CDH8: variants seen among roughly 807,000 people sequenced by gnomAD.
CDH8 encodes the protein cadherin 8.
CDH8 carries 17 observed loss-of-function variants against 68.1 expected under a neutral mutation model. The observed-to-expected ratio is 0.25, with a 90% confidence interval of 0.17 to 0.37. The LOEUF (loss-of-function observed/expected upper bound fraction) is 0.37. Among genes scored for constraint, CDH8 ranks in the 10% least tolerant of loss-of-function variants. The pLI, the probability that CDH8 is intolerant of heterozygous loss-of-function variation, is 1.00. For missense variants in CDH8, 763 were observed against 999.3 expected, an observed-to-expected ratio of 0.76 and a Z score of 3.19; for synonymous variants, 372 against 365.1, an observed-to-expected ratio of 1.02 and a Z score of -0.21.
At chr16:61,694,906 C>T (rs558773204) in intron 10 of CDH8, among the ~76,000 whole-genome samples, 2 of 151,874 alleles carry the variant, frequency 1.3e-5, no homozygotes, top group East Asian at 2.0e-4. Flanking sequence ...CTCAGCCTCC[C>T]GAGTAGCTGG....
intron 10 of CDH8, among the ~76,000 whole-genome samples, chr16:61,682,766 C>T (rs1186072746): frequency 6.6e-6 from 1 of 151,928 alleles, no homozygotes; most frequent in Non-Finnish European, 1.5e-5. Flanking sequence ...GCTTGATTTA[C>T]AGAATAGCAA....
chr16:61,850,150 C>T (rs1477671896), intron 4 of CDH8, among the ~76,000 whole-genome samples: 1 of 151,998 alleles, frequency 6.6e-6, no homozygotes, highest in African/African-American at 2.4e-5. Flanking sequence ...AAGCATGACA[C>T]CAGCATCTGC....
At chr16:61,945,533 C>G (rs1222197863) in intron 2 of CDH8, among the ~76,000 whole-genome samples, 3 of 151,388 alleles carry the variant, frequency 2.0e-5, no homozygotes, top group Admixed American at 2.0e-4. Context: ...CAATGTGGAT[C>G]TCTGGGAGCA....
At chr16:61,776,468 G>T (rs567517791) in intron 8 of CDH8, among the ~76,000 whole-genome samples, 30 of 152,202 alleles carry the variant, frequency 2.0e-4, no homozygotes, top group African/African-American at 7.2e-4. Flanking sequence ...GGATGAAGAA[G>T]GAGCTTTTAA....
intron 10 of CDH8, among the ~76,000 whole-genome samples, chr16:61,679,500 C>T (rs1270863994): frequency 1.3e-5 from 2 of 151,988 alleles, no homozygotes; most frequent in Non-Finnish European, 2.9e-5. Flanking sequence ...AAAAAGCAAT[C>T]TTTTCATGCC....
intron 10 of CDH8, among the ~76,000 whole-genome samples, chr16:61,696,405 CAAT>C (rs2142841031): frequency 1.3e-5 from 2 of 152,252 alleles, no homozygotes; most frequent in South Asian, 4.1e-4. Flanking sequence ...ATCAAAACCA[CAAT>C]GAGACACCAT....
chr16:61,909,394 C>G (rs577705126), intron 2 of CDH8, among the ~76,000 whole-genome samples: 2 of 152,190 alleles, frequency 1.3e-5, no homozygotes, highest in Non-Finnish European at 2.9e-5. Context: ...TTATTCATCA[C>G]TATACCAAAC....
chr16:62,018,947 G>C (rs972807733), intron 2 of CDH8, among the ~76,000 whole-genome samples: 1 of 152,092 alleles, frequency 6.6e-6, no homozygotes, highest in Non-Finnish European at 1.5e-5. Flanking sequence ...ATCAGTTATC[G>C]GATTCTGAGT....
At chr16:62,005,920 G>T (rs1023070743) in intron 2 of CDH8, among the ~76,000 whole-genome samples, 1 of 152,128 alleles carries the variant, frequency 6.6e-6, no homozygotes, top group Non-Finnish European at 1.5e-5. Context: ...TTCCTACCTT[G>T]CTGCACTGGC....
intron 10 of CDH8, among the ~76,000 whole-genome samples, chr16:61,688,958 T>C (rs1287468436): frequency 6.6e-6 from 1 of 152,036 alleles, no homozygotes. Context: ...ACAGAGCTTA[T>C]GTTTACTTTT....
intron 4 of CDH8, among the ~76,000 whole-genome samples, chr16:61,837,084 C>A (rs1174936674): frequency 6.6e-6 from 1 of 151,888 alleles, no homozygotes; most frequent in Non-Finnish European, 1.5e-5. Context: ...TCTTTCTTCC[C>A]AGTGCAGTGA....
intron 2 of CDH8, among the ~76,000 whole-genome samples, chr16:61,915,604 A>G (rs375045843): frequency 6.6e-6 from 1 of 152,196 alleles, no homozygotes. Context: ...TCACAAAACT[A>G]GGTGTTTAGT....
chr16:61,705,122 C>G (rs1254922301), intron 10 of CDH8, among the ~76,000 whole-genome samples: 1 of 152,202 alleles, frequency 6.6e-6, no homozygotes, highest in Non-Finnish European at 1.5e-5. Flanking sequence ...ACGGCAATTA[C>G]TATCTTCCTC....
At chr16:61,788,821 CTA>C (rs1464335641) in intron 8 of CDH8, among the ~76,000 whole-genome samples, 1 of 151,674 alleles carries the variant, frequency 6.6e-6, no homozygotes, top group Non-Finnish European at 1.5e-5. Flanking sequence ...TTTAAACAGC[CTA>C]TGATTACTGT....
At chr16:61,770,189 T>C (rs1233586240) in intron 8 of CDH8, among the ~76,000 whole-genome samples, 1 of 151,952 alleles carries the variant, frequency 6.6e-6, no homozygotes, top group Non-Finnish European at 1.5e-5. Context: ...AAACAAGAAA[T>C]GTAAGTACAC....
At chr16:61,721,018 A>G (rs1361061232) in intron 9 of CDH8, among the ~76,000 whole-genome samples, 1 of 150,628 alleles carries the variant, frequency 6.6e-6, no homozygotes, top group African/African-American at 2.4e-5. Context: ...TTTAGGGTTT[A>G]AACTAACAGA....
chr16:61,723,759 T>C (rs74333415), intron 9 of CDH8, among the ~76,000 whole-genome samples: 4,791 of 150,652 alleles, frequency 0.032, 350 homozygotes, highest in East Asian at 0.24. Context: ...TATATTTGGC[T>C]TTCTGATTTT....
At chr16:61,707,078 T>C (rs968453202) in intron 10 of CDH8, among the ~76,000 whole-genome samples, 2 of 152,196 alleles carry the variant, frequency 1.3e-5, no homozygotes, top group African/African-American at 4.8e-5. Flanking sequence ...TTTGCAGACA[T>C]GTTCAATCAT....
At chr16:61,761,746 T>C (rs572642932) in intron 8 of CDH8, among the ~76,000 whole-genome samples, 2 of 152,298 alleles carry the variant, frequency 1.3e-5, no homozygotes, top group South Asian at 4.1e-4. Context: ...CTCATGTCTG[T>C]AATCCCAGGA....
Sources: gnomAD v4.1 joint callset for allele counts (sites outside exome capture counted in the v4.1 genomes callset) on GRCh38, gnomAD v4.1.1 for gene constraint, MANE v1.5 for transcripts, NCBI Gene and HGNC (gene_info 2026-07-23, HGNC 2026-07-21) for gene names.